The following MAPKAP1 variants were observed in gnomAD, a reference collection of about 807,000 sequenced individuals.
The protein encoded by MAPKAP1 is target of rapamycin complex 2 subunit MAPKAP1.
A neutral mutation model predicts 65.7 loss-of-function variants in MAPKAP1; 20 were observed. The observed-to-expected ratio is 0.30, with a 90% CI of 0.21 to 0.44. The LOEUF (loss-of-function observed/expected upper bound fraction) is 0.44. Ranked by LOEUF, MAPKAP1 falls within the 20% of genes least tolerant of loss-of-function variation. The pLI is 1.00. For missense variants in MAPKAP1, 423 were observed against 648.0 expected, an observed-to-expected ratio of 0.65 and a Z score of 3.77; for synonymous variants, 222 against 244.3, an observed-to-expected ratio of 0.91 and a Z score of 0.85.
At position 125,439,833 on chromosome 9, in the gene MAPKAP1, T is replaced by A. The variant is rs1589190664; in HGVS notation, c.1444-821A>T. Among the ~76,000 whole-genome samples, 2 of 152,186 alleles carry A rather than the reference T, an allele frequency of 1.3e-5. No individual in the cohort carries two copies. Among genetic ancestry groups the A allele is most frequent in the African/African-American group, 4.8e-5 (2 of 41,446 alleles). ...GGGAGCTTGCTGCCTGGTGAGTGGG[T>A]GTCCAGCAGCAGAACCAGCACTGCA... On this transcript the variant is annotated intron_variant, in intron 11 of 11. Transcript: ENST00000265960. The surrounding 1 kb of genome is among the most constrained non-coding windows in gnomAD (Gnocchi z 4.0).
intron 4 of MAPKAP1, among the ~76,000 whole-genome samples, chr9:125,619,819 TCAAA>T (rs1832846785): frequency 6.6e-6 from 1 of 151,084 alleles, no homozygotes; most frequent in African/African-American, 2.4e-5. Context: ...TAGTGCATAG[TCAAA>T]CAAAAAAACT....
In MAPKAP1 at chr9:125,560,811, C is replaced by T. The variant is rs532362518; in HGVS notation, c.672-1002G>A. ...CCTCTTGACTACTTCTGCACACTTC[C>T]CACTCCCTAGAATGTCCAGACAGTA... On this transcript the variant is annotated intron_variant, in intron 5 of 11. Transcript: ENST00000265960. Among the ~76,000 whole-genome samples, 5 of 152,140 alleles carry T rather than the reference C, an allele frequency of 3.3e-5. No homozygotes were observed. In the South Asian group the frequency reaches 1.0e-3, roughly 32 times the overall value.
At chr9:125,472,965 G>A (rs1358562487) in intron 9 of MAPKAP1, among the ~76,000 whole-genome samples, 3 of 152,106 alleles carry the variant, frequency 2.0e-5, no homozygotes, top group Non-Finnish European at 4.4e-5. Context: ...TCAGAATTCA[G>A]TATCCTTTCT....
At chr9:125,653,853 A>G (rs1349857034) in intron 4 of MAPKAP1, among the ~76,000 whole-genome samples, 1 of 152,194 alleles carries the variant, frequency 6.6e-6, no homozygotes, top group Admixed American at 6.5e-5. Flanking sequence ...CAGAGGTGAA[A>G]AAACTGACTG....
At chr9:125,611,286 TACA>T (rs1832593411) in intron 4 of MAPKAP1, among the ~76,000 whole-genome samples, 1 of 152,068 alleles carries the variant, frequency 6.6e-6, no homozygotes, top group Non-Finnish European at 1.5e-5. Context: ...AAATTAAAAA[TACA>T]ACAACTAAAA....
intron 7 of MAPKAP1, among the ~76,000 whole-genome samples, chr9:125,540,321 A>G (rs1830204862): frequency 6.6e-6 from 1 of 152,208 alleles, no homozygotes; most frequent in Non-Finnish European, 1.5e-5. Context: ...TTAAGTTCTA[A>G]ATTTATTATT....
intron 8 of MAPKAP1, among the ~76,000 whole-genome samples, chr9:125,503,701 GATA>G (rs1217917615): frequency 6.6e-6 from 1 of 151,444 alleles, no homozygotes; most frequent in Non-Finnish European, 1.5e-5. Flanking sequence ...TTCTCTTTAA[GATA>G]ATTTCTTTTT....
At chr9:125,495,694 C>G (rs1290423112) in intron 8 of MAPKAP1, among the ~76,000 whole-genome samples, 1 of 152,206 alleles carries the variant, frequency 6.6e-6, no homozygotes, top group African/African-American at 2.4e-5. Context: ...TGGAAGTTCT[C>G]AGCCCACACA....
intron 6 of MAPKAP1, among the ~76,000 whole-genome samples, chr9:125,548,805 T>A (rs1830502018): frequency 6.6e-6 from 1 of 152,226 alleles, no homozygotes; most frequent in Non-Finnish European, 1.5e-5. Context: ...ATTGAGCACT[T>A]ACTTTGTTTA....
In MAPKAP1 at chr9:125,438,725, A is replaced by C; in HGVS notation, c.*162T>G. On this transcript the variant is annotated 3_prime_UTR_variant, in exon 12 of 12. Coordinates refer to ENST00000265960, the MANE Select transcript of MAPKAP1 (RefSeq NM_001006617.3). ...GGCAATGTCCCCAGCGCTCCCTCCT[A>C]GGGGGCCCCCGACACCTTCCCCGAG... is the stretch of plus-strand genomic sequence containing the variant. 12 of 854,936 alleles carry C rather than the reference A, an allele frequency of 1.4e-5. No individual in the cohort carries two copies. The highest frequency in any genetic ancestry group is 2.2e-5 in the Non-Finnish European group (12 of 552,676). 53.0% of individuals were successfully genotyped at this position (854,936 alleles called of 1,614,324 possible).
At chr9:125,653,748 C>T (rs770331238) in intron 4 of MAPKAP1, among the ~76,000 whole-genome samples, 3 of 152,206 alleles carry the variant, frequency 2.0e-5, no homozygotes, top group Non-Finnish European at 4.4e-5. Context: ...CTTTATTAAA[C>T]GACACTGCCT....
At chr9:125,484,359 T>C (rs1564527077) in intron 9 of MAPKAP1, 84 bp downstream of exon 9, 1 of 1,372,102 alleles carries the variant, frequency 7.3e-7, no homozygotes, top group Non-Finnish European at 9.7e-7. Context: ...TCAGGTCACA[T>C]AAAAGTTGTA....
chr9:125,441,651 A>G lies in MAPKAP1; in HGVS notation c.1444-2639T>C, dbSNP rs541510214. Among the ~76,000 whole-genome samples, 5 of 152,256 alleles carry G rather than the reference A, an allele frequency of 3.3e-5. No individual in the cohort carries two copies. In the East Asian group the frequency reaches 9.7e-4, roughly 29 times the overall value. On this transcript the variant is annotated intron_variant, in intron 11 of 11. Coordinates refer to ENST00000265960, the MANE Select transcript of MAPKAP1 (RefSeq NM_001006617.3). ...TGTAAAATTCCTGAATTCTAGAACA[A>G]CAGCATGCATTACTAGAGTCTAAAC... is the stretch of plus-strand genomic sequence containing the variant.
intron 5 of MAPKAP1, among the ~76,000 whole-genome samples, chr9:125,563,591 T>C (rs1002672824): frequency 1.3e-5 from 2 of 152,190 alleles, no homozygotes; most frequent in Non-Finnish European, 2.9e-5. Context: ...TATCTCTCCA[T>C]ACTTACTAAA....
chr9:125,499,543 C>T (rs1289108699), intron 8 of MAPKAP1, among the ~76,000 whole-genome samples: 1 of 152,118 alleles, frequency 6.6e-6, no homozygotes, highest in African/African-American at 2.4e-5. Context: ...AAGTATCTTG[C>T]AAATCCTTTA....
At chr9:125,536,366 A>C (rs1266357210) in intron 7 of MAPKAP1, among the ~76,000 whole-genome samples, 1 of 152,218 alleles carries the variant, frequency 6.6e-6, no homozygotes, top group Non-Finnish European at 1.5e-5. Flanking sequence ...TGCCCGGGGC[A>C]CTTCTGAGTC....
chr9:125,476,735 CCTTT>C (rs1854124296), intron 9 of MAPKAP1, among the ~76,000 whole-genome samples: 1 of 152,162 alleles, frequency 6.6e-6, no homozygotes, highest in Non-Finnish European at 1.5e-5. Flanking sequence ...ATAAAGTCTT[CCTTT>C]GAGTGCCGGC....
At chr9:125,625,686 T>G (rs1452488471) in intron 4 of MAPKAP1, among the ~76,000 whole-genome samples, 1 of 152,096 alleles carries the variant, frequency 6.6e-6, no homozygotes, top group Non-Finnish European at 1.5e-5. Flanking sequence ...TGCCAGTTAC[T>G]TGGGAGACTG....
At chr9:125,641,198 G>C (rs1225284936) in intron 4 of MAPKAP1, among the ~76,000 whole-genome samples, 1 of 152,178 alleles carries the variant, frequency 6.6e-6, no homozygotes, top group Admixed American at 6.5e-5. Flanking sequence ...CTTGAGGACA[G>C]AGTTCTCATT....
Sources: allele counts gnomAD v4.1 joint callset (sites outside exome capture counted in the v4.1 genomes callset), GRCh38; gene constraint gnomAD v4.1.1; non-coding constraint Gnocchi (gnomAD v3.1); transcripts MANE v1.5; gene names NCBI Gene and HGNC (gene_info 2026-07-23, HGNC 2026-07-21).